Variants in EPHA1 observed in about 807,000 individuals in gnomAD.
EPHA1 encodes the protein ephrin type-A receptor 1.
A neutral mutation model predicts 110.1 loss-of-function variants in EPHA1; 92 were observed. The ratio of observed to expected loss-of-function variants is 0.84; its 90% CI spans 0.71 to 0.99. The LOEUF (loss-of-function observed/expected upper bound fraction) is 0.99, where lower values mean the gene tolerates loss of function less well. Ranked by LOEUF, EPHA1 falls within the 50% of genes least tolerant of loss-of-function variation. EPHA1 has a pLI of 0.00. For missense variants in EPHA1, 1,204 were observed against 1,285.4 expected (o/e 0.94, Z 0.97); for synonymous variants, 500 against 516.1 (o/e 0.97, Z 0.42).
At position 143,394,820 on chromosome 7, in the gene EPHA1, T is replaced by C. The variant is rs369952341; in HGVS notation, c.2340A>G (p.Thr780=). The C allele has an allele frequency of 6.2e-7, 1 of 1,614,164 alleles. No individual in the cohort carries two copies. Among genetic ancestry groups the C allele is most frequent in the Non-Finnish European group, 8.5e-7 (1 of 1,180,026 alleles). The part of the protein sequence containing the change: ...LTRLLDDFDG[T]YETQGGKIPI... ...ACCGGCCTCTAACCTGGGTTTCGTA[T>C]GTGCCATCAAAGTCATCCAGGAGGC... is the stretch of plus-strand genomic sequence containing the variant. The change falls in exon 14 of 18, where the codon ACA becomes ACG. Residue 780 remains threonine (T), a synonymous_variant. Coordinates refer to ENST00000275815, the MANE Select transcript of EPHA1 (RefSeq NM_005232.5).
chr7:143,399,613 C>A, intron 4 of EPHA1, 38 bp downstream of exon 4: 1 of 1,609,232 alleles, frequency 6.2e-7, no homozygotes, highest in South Asian at 1.1e-5. Flanking sequence ...GCAATCCTCC[C>A]GAGTGGTTCC....
At position 143,399,920 on chromosome 7, in the gene EPHA1, C is replaced by G. The variant is rs375516618; in HGVS notation, c.566G>C (p.Gly189Ala). 2 of 1,613,326 alleles carry G rather than the reference C, an allele frequency of 1.2e-6. No individual in the cohort carries two copies. Among genetic ancestry groups the G allele is most frequent in the East Asian group, 4.5e-5 (2 of 44,850 alleles). ...GACAGACACCAGGGCCACACAGGCACCCGGGTTGTGGAAAGCGAGGTAGAG... is the reference window on the plus strand; with the variant it reads ...GACAGACACCAGGGCCACACAGGCAGCCGGGTTGTGGAAAGCGAGGTAGAG... ...RGLYLAFHNP[G>A]ACVALVSVRV... is the part of the protein sequence containing the mutation. Residue 189 changes from glycine to alanine, a missense_variant, in exon 4 of 18, where the codon GGT becomes GCT. Transcript: ENST00000275815.
rs73154214 is a variant in EPHA1 at position 143,398,333 on chromosome 7, G to A, written c.1452C>T (p.His484=). Residue 484 remains histidine, a synonymous_variant, in exon 7 of 18, where the codon CAC becomes CAT. Coordinates refer to ENST00000275815, the MANE Select transcript of EPHA1 (RefSeq NM_005232.5). ...SPGANLTYEL[H]VLNQDEERYQ... ...GTAGCATCCTGACCTGGTTCAGCAC[G>A]TGCAGCTCATAGGTCAGGTTCGCCC... 118 of 1,614,048 alleles carry A rather than the reference G, an allele frequency of 7.3e-5. No individual in the cohort carries two copies. The highest frequency in any genetic ancestry group is 6.8e-4 in the African/African-American group (51 of 75,028).
rs1299141462 is a variant in EPHA1, at chr7:143,401,382, A to G, written c.374T>C (p.Leu125Pro). ...CACATCCTGGTCACTCTCCATGTACAGAAGGTTGAAGGTCTCCTTGCAGCC... is the reference window on the plus strand; with the variant it reads ...CACATCCTGGTCACTCTCCATGTACGGAAGGTTGAAGGTCTCCTTGCAGCC... ...PLGCKETFNL[L>P]YMESDQDVGI... Residue 125 changes from leucine (L) to proline (P), a missense_variant, in exon 3 of 18, where the codon CTG (leucine) becomes CCG (proline). Coordinates refer to ENST00000275815, the MANE Select transcript of EPHA1 (RefSeq NM_005232.5). This position sits in a 1 kb window ranked among gnomAD's most constrained non-coding sequence, Gnocchi z 4.1. 8 of 1,614,034 alleles carry G rather than the reference A, an allele frequency of 5.0e-6. No individual in the cohort carries two copies. Among genetic ancestry groups the G allele is most frequent in the Admixed American group, 1.7e-5 (1 of 60,006 alleles).
chr7:143,397,440 C>A, intron 9 of EPHA1, 78 bp from the exon 10 acceptor site: 2 of 1,576,280 alleles, frequency 1.3e-6, no homozygotes, highest in Non-Finnish European at 1.7e-6. Flanking sequence ...TGAATCTTCC[C>A]CAGAAACGGG....
At position 143,395,373 on chromosome 7, in the gene EPHA1, T is replaced by G. The variant is rs753335365; in HGVS notation, c.2029A>C (p.Met677Leu). 8 of 1,614,220 alleles carry G rather than the reference T, an allele frequency of 5.0e-6. No homozygotes were observed. The East Asian group carries it at 1.8e-4, about 36-fold the overall frequency. ...ATATGCGGGTGGCTAAACTGGCCCATGATAGTTGCCTCTCGAAGGAAGTTC... is the reference window on the plus strand; with the variant it reads ...ATATGCGGGTGGCTAAACTGGCCCAGGATAGTTGCCTCTCGAAGGAAGTTC... ...WWNFLREATI[M>L]GQFSHPHILH... Residue 677 changes from methionine (M) to leucine (L), a missense_variant, in exon 12 of 18, where the codon ATG (methionine) becomes CTG (leucine). Coordinates refer to ENST00000275815, the MANE Select transcript of EPHA1 (RefSeq NM_005232.5). The surrounding 1 kb of genome is among the most constrained non-coding windows in gnomAD (Gnocchi z 4.7).
Position 143,391,718 on chromosome 7 carries a change from G to A in EPHA1, c.2754C>T (p.Val918=). The A allele has an allele frequency of 1.2e-6, 2 of 1,614,036 alleles. No homozygotes were observed. The highest frequency in any genetic ancestry group is 1.7e-6 in the Non-Finnish European group (2 of 1,180,026). ...SGSDGIPYRT[V]SEWLESIRMK... ...TGCGTATGGACTCGAGCCACTCAGAGACGGTTCGATATGGGATCCCATCTG... is the reference window on the plus strand; with the variant it reads ...TGCGTATGGACTCGAGCCACTCAGAAACGGTTCGATATGGGATCCCATCTG... Residue 918 remains valine (V), a synonymous_variant, in exon 17 of 18, where the codon GTC becomes GTT. Coordinates refer to ENST00000275815, the MANE Select transcript of EPHA1 (RefSeq NM_005232.5).
chr7:143,393,799 A>G lies in EPHA1; in HGVS notation c.2568T>C (p.Tyr856=), dbSNP rs745843799. Residue 856 remains tyrosine, a synonymous_variant, in exon 16 of 18, where the codon TAT becomes TAC. Coordinates refer to ENST00000275815, the MANE Select transcript of EPHA1 (RefSeq NM_005232.5). This position sits in a 1 kb window ranked among gnomAD's most constrained non-coding sequence, Gnocchi z 5.6. ...PPPVDCPAPL[Y]ELMKNCWAYD... Reference sequence around the variant, plus strand: ...ATGCCCAGCAGTTCTTCATGAGCTCATACAGAGGGGCAGGGCAGTCCACAG... The same window carrying G: ...ATGCCCAGCAGTTCTTCATGAGCTCGTACAGAGGGGCAGGGCAGTCCACAG... 1.9e-6 allele frequency: 3 copies of G among 1,610,576 alleles called. No homozygotes were observed. The highest frequency in any genetic ancestry group is 2.5e-6 in the Non-Finnish European group (3 of 1,177,848).
intron 10 of EPHA1, 25 bp from the exon 11 acceptor site, chr7:143,396,535 G>C (rs1266326419): frequency 6.2e-7 from 1 of 1,612,266 alleles, no homozygotes; most frequent in Non-Finnish European, 8.5e-7. Flanking sequence ...TGAGGTTGGG[G>C]AGTACCAACA....
At position 143,408,704 on chromosome 7, in the gene EPHA1, G is replaced by T. The variant is rs1459853945; in HGVS notation, c.82+20C>A. ...GGGGCGGGGCGCGGGGGTTGGGGGC[G>T]CGGGGGCGGGGGTCGGTACCTTCCT... is the stretch of plus-strand genomic sequence containing the variant. On this transcript the variant is annotated intron_variant, in intron 1 of 17. Transcript: ENST00000275815. 2 of 582,664 alleles carry T rather than the reference G, an allele frequency of 3.4e-6. No individual in the cohort carries two copies. The highest frequency in any genetic ancestry group is 7.3e-5 in the East Asian group (2 of 27,470). The allele number at this position is 582,664 out of a possible 1,614,324, so 36.1% of individuals were successfully genotyped here. A position where few individuals can be genotyped will look rare whatever the true frequency, so the allele number is the denominator to read the frequency against.
At position 143,399,779 on chromosome 7, in the gene EPHA1, C is replaced by T. The variant is rs747845357; in HGVS notation, c.707G>A (p.Arg236Gln). The T allele has an allele frequency of 1.2e-5, 19 of 1,609,242 alleles. No individual in the cohort carries two copies. Among genetic ancestry groups the T allele is most frequent in the African/African-American group, 8.0e-5 (6 of 74,840 alleles). ...TGCACCTGAGGGCCTGGGGCTGGCC[C>T]GCGCGTGGGGCAAGCAGGTCCCCGC... ...EVAGTCLPHA[R>Q]ASPRPSGAPR... Residue 236 changes from arginine (R) to glutamine (Q), a missense_variant, in exon 4 of 18, where the codon CGG becomes CAG. Transcript: ENST00000275815.
chr7:143,405,931 G>A (rs1197437734), intron 2 of EPHA1, among the ~76,000 whole-genome samples: 1 of 152,172 alleles, frequency 6.6e-6, no homozygotes, highest in African/African-American at 2.4e-5. Flanking sequence ...GAGAGAAGGG[G>A]TTCCAGAGCC....
chr7:143,401,323 C>A lies in EPHA1; in HGVS notation c.432+1G>T, dbSNP rs746199367. 6.2e-7 allele frequency: 1 copy of A among 1,613,250 alleles called. No homozygotes were observed. Among genetic ancestry groups the A allele is most frequent in the South Asian group, 1.1e-5 (1 of 91,036 alleles). On this transcript the variant is annotated splice_donor_variant, in intron 3 of 17. Coordinates refer to ENST00000275815, the MANE Select transcript of EPHA1 (RefSeq NM_005232.5). LOFTEE classifies it high-confidence loss of function. This position sits in a 1 kb window ranked among gnomAD's most constrained non-coding sequence, Gnocchi z 4.1. ...CCAGATGGCATGGAGGGAAGCAGCA[C>A]CTTCTGGAACAAGGGCCGTCGGAGC...
At chr7:143,400,725 G>GA (rs1805393409) in intron 3 of EPHA1, 1 of 154,270 alleles carries the variant, frequency 6.5e-6, no homozygotes, top group Non-Finnish European at 1.4e-5. Context: ...GGTATCCTGT[G>GA]ATCTCAGTGG....
At position 143,393,946 on chromosome 7, in the gene EPHA1, T is replaced by C; in HGVS notation, c.2503-82A>G. On this transcript the variant is annotated intron_variant, in intron 15 of 17. Coordinates refer to ENST00000275815, the MANE Select transcript of EPHA1 (RefSeq NM_005232.5). The surrounding 1 kb of genome is among the most constrained non-coding windows in gnomAD (Gnocchi z 5.6). ...AGAAACCGACGGTCACACAAGATAA[T>C]TGCAGTGGAGATCCTAGGATGGGAG... 2 of 1,449,404 alleles carry C rather than the reference T, an allele frequency of 1.4e-6. No homozygotes were observed. The highest frequency in any genetic ancestry group is 1.9e-6 in the Non-Finnish European group (2 of 1,080,550). 89.8% of individuals were successfully genotyped at this position (1,449,404 alleles called of 1,614,324 possible).
chr7:143,399,591 C>G, intron 4 of EPHA1, 60 bp downstream of exon 4: 1 of 1,600,490 alleles, frequency 6.2e-7, no homozygotes, highest in Non-Finnish European at 8.5e-7. Flanking sequence ...CCTTCTCTGC[C>G]GGGGTACTCC....
chr7:143,399,680 T>A lies in EPHA1; in HGVS notation c.806A>T (p.Glu269Val), dbSNP rs1450812457. The change falls in exon 4 of 18, where the codon GAG (glutamate) becomes GTG (valine). Residue 269 changes from glutamate to valine, a missense_variant. Physicochemically the swap from Glu to Val is moderately radical, Grantham distance 121 (BLOSUM62 -2). Coordinates refer to ENST00000275815, the MANE Select transcript of EPHA1 (RefSeq NM_005232.5). ...ACATGCTTCGCCACTGCCACCTTCC[T>A]CATAGCCAGGCTCACAGTGGCACCG... is the stretch of plus-strand genomic sequence containing the variant. Reference protein sequence around the residue: ...VGRCHCEPGYEEGGSGEACVA... With the variant: ...VGRCHCEPGYVEGGSGEACVA... The A allele has an allele frequency of 6.2e-7, 1 of 1,613,450 alleles. No individual in the cohort carries two copies. The highest frequency in any genetic ancestry group is 1.7e-5 in the Admixed American group (1 of 59,998).
intron 16 of EPHA1, among the ~76,000 whole-genome samples, 172 bp from the exon 17 acceptor site, chr7:143,391,947 G>A (rs1274845974): frequency 6.6e-6 from 1 of 152,190 alleles, no homozygotes; most frequent in Non-Finnish European, 1.5e-5. Context: ...CTGTTTCCTG[G>A]TGTGCTCACA....
At chr7:143,405,265 G>C (rs1805517082) in intron 2 of EPHA1, among the ~76,000 whole-genome samples, 1 of 152,154 alleles carries the variant, frequency 6.6e-6, no homozygotes, top group Non-Finnish European at 1.5e-5. Context: ...CTGGAGCCAG[G>C]AGAAGCAGAT....
Sources: gnomAD v4.1 joint callset for allele counts (sites outside exome capture counted in the v4.1 genomes callset) on GRCh38, gnomAD v4.1.1 for gene constraint, Gnocchi (gnomAD v3.1) non-coding constraint, MANE v1.5 for transcripts, NCBI Gene and HGNC (gene_info 2026-07-23, HGNC 2026-07-21) for gene names.